Variants in PTGR2 observed in about 807,000 individuals in gnomAD.
PTGR2 encodes the protein 15-oxoprostaglandin 13-reductase.
In PTGR2, 32 loss-of-function variants were observed where a neutral mutation model predicts 43.4. The ratio of observed to expected loss-of-function variants is 0.74; its 90% CI spans 0.56 to 0.99. The LOEUF is 0.99. PTGR2 is among the 50% of genes least tolerant of loss of function. PTGR2 has a pLI of 0.00. For synonymous variants in PTGR2, 106 were observed against 139.2 expected (o/e 0.76, Z 1.68); for missense variants, 373 against 420.0 (o/e 0.89, Z 0.98).
At position 73,874,061 on chromosome 14, in the gene PTGR2, A is replaced by AAAT; in HGVS notation, c.196_197insATA (p.Ile65_Thr66insAsn). 6.2e-7 allele frequency: 1 copy of AAAT among 1,613,074 alleles called. No individual in the cohort carries two copies. Among genetic ancestry groups the AAAT allele is most frequent in the South Asian group, 1.1e-5 (1 of 90,740 alleles). On this transcript the variant is annotated inframe_insertion, in exon 4 of 10. Coordinates refer to ENST00000555661, the MANE Select transcript of PTGR2 (RefSeq NM_001146154.2). ...ATGAAGACACTGGCACTGATTATAT[A>AAAT]ACACCTTGGCAGCTATCTCAAGTCG...
At position 73,884,455 on chromosome 14, in the gene PTGR2, G is replaced by A. The variant is rs1465788473; in HGVS notation, c.*278G>A. ...TTGTTAAACTGGAAACGTTTTACAT[G>A]ATCTGATACAACCATTAATGAATCA... On this transcript the variant is annotated 3_prime_UTR_variant, in exon 10 of 10. Coordinates refer to ENST00000555661, the MANE Select transcript of PTGR2 (RefSeq NM_001146154.2). 1 of 220,340 alleles carries A rather than the reference G, an allele frequency of 4.5e-6. No homozygotes were observed. The highest frequency in any genetic ancestry group is 2.3e-5 in the African/African-American group (1 of 43,116). 13.6% of individuals were successfully genotyped at this position (220,340 alleles called of 1,614,324 possible).
At chr14:73,866,042 G>T (rs1408891864) in intron 3 of PTGR2, among the ~76,000 whole-genome samples, 3 of 149,846 alleles carry the variant, frequency 2.0e-5, no homozygotes, top group Non-Finnish European at 4.4e-5. Context: ...TTGCTCTGTC[G>T]CCAGTCTGGA....
intron 6 of PTGR2, chr14:73,879,714 A>G (rs150460376): frequency 1.9e-4 from 60 of 317,296 alleles, no homozygotes; most frequent in African/African-American, 1.2e-3. Flanking sequence ...AACATGAGGT[A>G]TTAACACTAC....
At chr14:73,868,025 G>A (rs549969544) in intron 3 of PTGR2, among the ~76,000 whole-genome samples, 10 of 152,300 alleles carry the variant, frequency 6.6e-5, no homozygotes, top group South Asian at 2.1e-4. Flanking sequence ...GGTGGCTCAC[G>A]CTTGTAATCC....
At chr14:73,873,006 CATG>C (rs1031247859) in intron 3 of PTGR2, among the ~76,000 whole-genome samples, 18 of 149,200 alleles carry the variant, frequency 1.2e-4, no homozygotes, top group Admixed American at 3.3e-4. Context: ...TGGTGTACAA[CATG>C]ATGTTTTGAA....
rs542434432 is a variant in PTGR2, at chr14:73,877,432, T to A, written c.519+264T>A. 1.3e-5 allele frequency: 3 copies of A among 225,646 alleles called. No homozygotes were observed. The South Asian group carries it at 3.3e-4, about 25-fold the overall frequency. 14.0% of individuals were successfully genotyped at this position (225,646 alleles called of 1,614,324 possible). On this transcript the variant is annotated intron_variant, in intron 5 of 9. Transcript: ENST00000555661. ...GGTGTGTGCCACCACACCTGGCTAA[T>A]TTTTGTATTTTTAGTAGAGATGGGG... is the stretch of plus-strand genomic sequence containing the variant.
rs113631455 is a variant in PTGR2, at chr14:73,872,972, CAAA to C, written c.157-1039_157-1037del. Among the ~76,000 whole-genome samples, 3 of 135,716 alleles carry C rather than the reference CAAA, an allele frequency of 2.2e-5. No individual in the cohort carries two copies. The Admixed American group carries it at 2.3e-4, about 10-fold the overall frequency. 89.0% of individuals were successfully genotyped at this position (135,716 alleles called of 152,430 possible). ...AGCCTGGGTGACAGAGACTCCATCT[CAAA>C]AAAAAAAAAAATTTTTTTTATGGTG... On this transcript the variant is annotated intron_variant, in intron 3 of 9. Coordinates refer to ENST00000555661, the MANE Select transcript of PTGR2 (RefSeq NM_001146154.2).
chr14:73,857,285 C>A (rs1383947960), intron 1 of PTGR2, among the ~76,000 whole-genome samples: 1 of 145,794 alleles, frequency 6.9e-6, no homozygotes, highest in African/African-American at 2.5e-5. Context: ...AAAGGAATTT[C>A]CATTTTGATG....
chr14:73,857,552 T>A (rs2054377313), intron 1 of PTGR2, among the ~76,000 whole-genome samples: 1 of 151,704 alleles, frequency 6.6e-6, no homozygotes, highest in African/African-American at 2.4e-5. Flanking sequence ...AAGCAGAGGT[T>A]GCGGTGAGCT....
Position 73,884,109 on chromosome 14 carries a change from C to T in PTGR2, c.988C>T (p.Gln330Ter), listed in dbSNP as rs762498814. 2 of 1,602,756 alleles carry T rather than the reference C, an allele frequency of 1.2e-6. No individual in the cohort carries two copies. The highest frequency in any genetic ancestry group is 1.3e-5 in the African/African-American group (1 of 74,584). The change falls in exon 10 of 10, where the codon CAG becomes TAG. Residue 330 changes from glutamine (Q) to a stop codon, truncating the protein, a stop_gained. Transcript: ENST00000555661. LOFTEE classifies it high-confidence loss of function. The part of the protein sequence containing the change: ...NGLENMGAAF[Q>*]SMMTGGNIGK... ...ACTTTCTCTTTTTCCAGCTGCATTC[C>T]AGTCCATGATGACAGGAGGTAACAT...
Position 73,885,491 on chromosome 14 carries a change from A to G in PTGR2, c.*1314A>G, listed in dbSNP as rs536778293. ...TGTTTTGGCTTATGATTGTCTACAC[A>G]CTGCCAATATACTTTTGTATGCAAC... On this transcript the variant is annotated 3_prime_UTR_variant, in exon 10 of 10. Transcript: ENST00000555661. 3.3e-4 allele frequency: 50 copies of G among 152,348 alleles called. 1 individual carries two copies. In the East Asian group the frequency reaches 9.6e-3, roughly 29 times the overall value. 9.4% of individuals were successfully genotyped at this position (152,348 alleles called of 1,614,324 possible).
intron 4 of PTGR2, 124 bp from the exon 5 acceptor site, chr14:73,876,874 G>T: frequency 1.6e-6 from 1 of 625,814 alleles, no homozygotes; most frequent in Non-Finnish European, 2.7e-6. Context: ...AGTCACACTG[G>T]GGCTTAGGGC....
intron 3 of PTGR2, among the ~76,000 whole-genome samples, chr14:73,868,279 A>T (rs1042034152): frequency 1.3e-5 from 2 of 150,846 alleles, no homozygotes; most frequent in African/African-American, 4.9e-5. Context: ...ACAGAGCAAG[A>T]CTCTGTCTCA....
At chr14:73,862,281 C>T (rs1016330282) in intron 3 of PTGR2, among the ~76,000 whole-genome samples, 4 of 152,070 alleles carry the variant, frequency 2.6e-5, no homozygotes, top group Non-Finnish European at 2.9e-5. Context: ...GATCTCGGCT[C>T]ACTGCAAGCT....
At chr14:73,875,888 C>T (rs2054852731) in intron 4 of PTGR2, among the ~76,000 whole-genome samples, 1 of 134,878 alleles carries the variant, frequency 7.4e-6, no homozygotes, top group Non-Finnish European at 1.5e-5. Flanking sequence ...GTGGCACAAT[C>T]TTGGCTCACT....
rs1043126955 is a variant in PTGR2, at chr14:73,885,249, A to G, written c.*1072A>G. The G allele has an allele frequency of 2.6e-5, 4 of 152,270 alleles. No individual in the cohort carries two copies. The highest frequency in any genetic ancestry group is 9.6e-5 in the African/African-American group (4 of 41,458). 9.4% of individuals were successfully genotyped at this position (152,270 alleles called of 1,614,324 possible). A position where few individuals can be genotyped will look rare whatever the true frequency, so the allele number is the denominator to read the frequency against. ...GGTTGCCGTGAGCTGAGCTTGCACC[A>G]TTGCACTCCAGCCTGGGCGACAAGA... On this transcript the variant is annotated 3_prime_UTR_variant, in exon 10 of 10. Transcript: ENST00000555661.
At chr14:73,882,971 C>T (rs180928085) in intron 9 of PTGR2, among the ~76,000 whole-genome samples, 20 of 150,816 alleles carry the variant, frequency 1.3e-4, no homozygotes, top group African/African-American at 4.6e-4. Flanking sequence ...CAGGCGTGCA[C>T]TGGTATGCCT....
intron 3 of PTGR2, among the ~76,000 whole-genome samples, chr14:73,872,477 C>G (rs941310751): frequency 6.6e-6 from 1 of 152,112 alleles, no homozygotes; most frequent in Non-Finnish European, 1.5e-5. Flanking sequence ...ACCATCAAAA[C>G]ACTATTTTGT....
chr14:73,865,588 C>T (rs968483405), intron 3 of PTGR2, among the ~76,000 whole-genome samples: 3 of 152,080 alleles, frequency 2.0e-5, no homozygotes, highest in African/African-American at 7.2e-5. Flanking sequence ...ATCACAGGGC[C>T]CAACTCATTC....
Sources: gnomAD v4.1 joint callset for allele counts (sites outside exome capture counted in the v4.1 genomes callset) on GRCh38, gnomAD v4.1.1 for gene constraint, MANE v1.5 for transcripts, NCBI Gene and HGNC (gene_info 2026-07-23, HGNC 2026-07-21) for gene names.